The following RASEF variants were observed in gnomAD, a reference collection of about 807,000 sequenced individuals.
RASEF encodes the protein ras and EF-hand domain-containing protein.
Under a neutral mutation model 90.1 loss-of-function variants are expected in RASEF, and 68 were observed. The ratio of observed to expected loss-of-function variants is 0.75; its 90% CI spans 0.62 to 0.92. The LOEUF (loss-of-function observed/expected upper bound fraction) is 0.92. Among genes scored for constraint, RASEF ranks in the 40% least tolerant of loss-of-function variants. The pLI is 0.00. For missense variants in RASEF, 949 were observed against 937.2 expected (o/e 1.01, Z -0.16); for synonymous variants, 331 against 345.2 (o/e 0.96, Z 0.46).
the RASEF span, among the ~76,000 whole-genome samples, chr9:83,142,325 G>A: frequency 1.4e-4 from 22 of 152,304 alleles, 1 homozygote; most frequent in South Asian, 1.2e-3. Context: ...TATATGCCAC[G>A]TTAAGTTGCA....
the RASEF span, among the ~76,000 whole-genome samples, chr9:83,088,361 TATAG>T: frequency 3.6e-5 from 4 of 110,288 alleles, no homozygotes; most frequent in Non-Finnish European, 7.4e-5. Context: ...TACACAGAGA[TATAG>T]ATAGATGGAT....
At chr9:83,154,829 A>G in the RASEF span, among the ~76,000 whole-genome samples, 1 of 152,218 alleles carries the variant, frequency 6.6e-6, no homozygotes, top group African/African-American at 2.4e-5. Context: ...AGGTGAAATA[A>G]CTAACACTTT....
At chr9:83,065,905 A>G (rs1249882673), upstream of RASEF, among the ~76,000 whole-genome samples, 1 of 152,184 alleles carries the variant, frequency 6.6e-6, no homozygotes, top group Non-Finnish European at 1.5e-5. Flanking sequence ...CAGGGATGCT[A>G]CGGAATATCC....
At chr9:83,159,185 CAAAAAAA>C in the RASEF span, among the ~76,000 whole-genome samples, 1 of 103,322 alleles carries the variant, frequency 9.7e-6, no homozygotes, top group Non-Finnish European at 2.0e-5. Context: ...GACTCCGTCT[CAAAAAAA>C]AAAAAAAAAA....
chr9:83,168,141 A>G, the RASEF span, among the ~76,000 whole-genome samples: 2 of 152,126 alleles, frequency 1.3e-5, no homozygotes, highest in Non-Finnish European at 2.9e-5. Flanking sequence ...TGAGGGTCCC[A>G]ATTTCTGCAC....
At chr9:83,111,796 G>A in the RASEF span, among the ~76,000 whole-genome samples, 1 of 151,750 alleles carries the variant, frequency 6.6e-6, no homozygotes, top group Non-Finnish European at 1.5e-5. Flanking sequence ...GGGTATCAAA[G>A]CCTTTTAAAC....
At chr9:83,082,025 G>A in the RASEF span, among the ~76,000 whole-genome samples, 2 of 152,184 alleles carry the variant, frequency 1.3e-5, no homozygotes, top group African/African-American at 4.8e-5. Flanking sequence ...ATAGTTACCA[G>A]GAAATGTAGC....
the RASEF span, among the ~76,000 whole-genome samples, chr9:83,169,665 G>A: frequency 1.3e-5 from 2 of 152,036 alleles, no homozygotes; most frequent in African/African-American, 4.8e-5. Context: ...ATATCTCACT[G>A]TGGTTTTGAT....
Position 83,062,926 on chromosome 9 carries a change from C to T in RASEF, c.-59G>A. ...AGCGCCGCGGGGCGCAGGGCCCTCC[C>T]TGGAAGGACGGGGCCACCTGCTGCC... On this transcript the variant is annotated 5_prime_UTR_variant, in exon 1 of 17. Transcript: ENST00000376447. 1 of 1,371,162 alleles carries T rather than the reference C, an allele frequency of 7.3e-7. No individual in the cohort carries two copies. Among genetic ancestry groups the T allele is most frequent in the African/African-American group, 1.5e-5 (1 of 65,256 alleles). The allele number at this position is 1,371,162 out of a possible 1,614,324, so 84.9% of individuals were successfully genotyped here.
chr9:83,011,550 CAAAAAAAAAAA>C (rs71363083), intron 5 of RASEF, among the ~76,000 whole-genome samples: 4 of 28,108 alleles, frequency 1.4e-4, no homozygotes, highest in South Asian at 2.9e-3. Context: ...GACTCCATCT[CAAAAAAAAAAA>C]AAAAAAAAAA....
intron 1 of RASEF, among the ~76,000 whole-genome samples, chr9:83,044,241 G>A (rs970962279): frequency 1.3e-5 from 2 of 152,176 alleles, no homozygotes; most frequent in African/African-American, 4.8e-5. Flanking sequence ...GAAGGAAGGA[G>A]AAGAAGAAGG....
At chr9:83,120,858 CG>C in the RASEF span, among the ~76,000 whole-genome samples, 336 of 152,204 alleles carry the variant, frequency 2.2e-3, 1 homozygote, top group Non-Finnish European at 4.0e-3. Flanking sequence ...TTGAGAAACC[CG>C]GAATTCCTTG....
chr9:83,048,980 C>T (rs1040068218), intron 1 of RASEF, among the ~76,000 whole-genome samples: 19 of 152,040 alleles, frequency 1.2e-4, no homozygotes, highest in Non-Finnish European at 1.8e-4. Context: ...AAAAATTAGC[C>T]GGGTGTGGTA....
chr9:83,164,536 C>T, the RASEF span, among the ~76,000 whole-genome samples: 5 of 147,578 alleles, frequency 3.4e-5, no homozygotes, highest in African/African-American at 1.2e-4. Context: ...TCTAGAGCAA[C>T]TAATTTTAAA....
At chr9:83,199,277 A>G in the RASEF span, among the ~76,000 whole-genome samples, 2 of 151,228 alleles carry the variant, frequency 1.3e-5, no homozygotes, top group South Asian at 4.2e-4. Flanking sequence ...TGAAAAGCTC[A>G]TAAGACAAAG....
At chr9:83,181,232 A>G in the RASEF span, among the ~76,000 whole-genome samples, 1,615 of 151,924 alleles carry the variant, frequency 0.011, 15 homozygotes, top group Middle Eastern at 0.027. Context: ...TTTATCCAAG[A>G]GAAAGCTAAC....
chr9:83,129,666 C>T, the RASEF span, among the ~76,000 whole-genome samples: 1 of 152,066 alleles, frequency 6.6e-6, no homozygotes, highest in Non-Finnish European at 1.5e-5. Context: ...TTATGGAGAA[C>T]ATAAGGGATG....
the RASEF span, chr9:83,201,360 T>C: frequency 3.3e-5 from 5 of 152,324 alleles, no homozygotes; most frequent in Admixed American, 6.5e-5. Context: ...TATCATCATG[T>C]TTTGCTGAAA....
intron 1 of RASEF, chr9:83,054,891 A>C (rs1746200395): frequency 6.6e-6 from 1 of 151,330 alleles, no homozygotes; most frequent in African/African-American, 2.5e-5. Flanking sequence ...TTGAGGAGGC[A>C]GTCTGCCCGT....
Sources: allele counts gnomAD v4.1 joint callset (sites outside exome capture counted in the v4.1 genomes callset), GRCh38; gene constraint gnomAD v4.1.1; transcripts MANE v1.5; gene names NCBI Gene and HGNC (gene_info 2026-07-23, HGNC 2026-07-21).